SPATA21: variants seen among roughly 807,000 people sequenced by gnomAD.
SPATA21 encodes the protein spermatogenesis-associated protein 21.
In SPATA21, 47 loss-of-function variants were observed where a neutral mutation model predicts 54.8. The ratio of observed to expected loss-of-function variants is 0.86; its 90% CI spans 0.68 to 1.09. The LOEUF is 1.09. SPATA21 is among the 50% of genes least tolerant of loss of function. The pLI is 0.00. For missense variants in SPATA21, 599 were observed against 596.4 expected (o/e 1.00, Z -0.05); for synonymous variants, 245 against 235.3 (o/e 1.04, Z -0.38).
Position 16,409,056 on chromosome 1 carries a change from T to C in SPATA21, c.673+62A>G. On this transcript the variant is annotated intron_variant, in intron 7 of 12. Transcript: ENST00000335496. The surrounding 1 kb of genome is among the most constrained non-coding windows in gnomAD (Gnocchi z 4.1). Reference sequence around the variant, plus strand: ...AGCACCCCAGTCCGCCCTGCGCCTATAAACCCCCAAGGACCAAGGGTCCTG... The same window carrying C: ...AGCACCCCAGTCCGCCCTGCGCCTACAAACCCCCAAGGACCAAGGGTCCTG... 1 of 1,580,152 alleles carries C rather than the reference T, an allele frequency of 6.3e-7. No homozygotes were observed. Among genetic ancestry groups the C allele is most frequent in the Non-Finnish European group, 8.7e-7 (1 of 1,150,352 alleles).
At chr1:16,402,667 C>A (rs992417494) in intron 10 of SPATA21, among the ~76,000 whole-genome samples, 9 of 152,230 alleles carry the variant, frequency 5.9e-5, no homozygotes, top group African/African-American at 1.9e-4. Flanking sequence ...AGCAGCCCTT[C>A]CCCTTGAGCC....
intron 8 of SPATA21, 106 bp downstream of exon 8, chr1:16,404,861 C>A: frequency 7.7e-7 from 1 of 1,292,374 alleles, no homozygotes. Context: ...GAGCATTAAA[C>A]CAAGCACAGG....
At chr1:16,426,308 G>A (rs200295074) in intron 3 of SPATA21, among the ~76,000 whole-genome samples, 7 of 150,870 alleles carry the variant, frequency 4.6e-5, no homozygotes, top group African/African-American at 1.7e-4. Flanking sequence ...ACCCAGGTTC[G>A]AGTGTAGTGG....
At chr1:16,424,391 A>G (rs1332258531) in intron 3 of SPATA21, among the ~76,000 whole-genome samples, 1 of 149,630 alleles carries the variant, frequency 6.7e-6, no homozygotes, top group African/African-American at 2.4e-5. Context: ...TACTCTAACC[A>G]TATCTTTTTA....
intron 10 of SPATA21, among the ~76,000 whole-genome samples, chr1:16,401,741 C>T (rs1475683864): frequency 6.6e-6 from 1 of 152,198 alleles, no homozygotes; most frequent in Non-Finnish European, 1.5e-5. Context: ...CCCTACCCTA[C>T]AGAGTAGCTA....
chr1:16,422,074 C>T (rs1378616440), intron 3 of SPATA21, 103 bp from the exon 4 acceptor site: 1 of 1,596,446 alleles, frequency 6.3e-7, no homozygotes, highest in South Asian at 1.1e-5. Context: ...ATGTGTGGGA[C>T]ACCTGCCTCC....
At chr1:16,399,640 T>A in intron 11 of SPATA21, 119 bp from the exon 12 acceptor site, 1 of 1,105,872 alleles carries the variant, frequency 9.0e-7, no homozygotes, top group Non-Finnish European at 1.3e-6. Flanking sequence ...TTGGGGCAAG[T>A]CACTTAACCT....
rs1291767864 is a variant in SPATA21, at chr1:16,432,096, TTTC to T, written c.-51-677_-51-675del. Among the ~76,000 whole-genome samples, 532 of 148,292 alleles carry T rather than the reference TTTC, an allele frequency of 3.6e-3. 7 individuals are homozygous for T. In the East Asian group the frequency reaches 0.066, roughly 18 times the overall value. On this transcript the variant is annotated intron_variant, in intron 2 of 12. Transcript: ENST00000335496. ...ACACATCCTTTCTTTTTCTTTTTCT[TTTC>T]TTCTTCTTCTTCTTCTTTTTTTTTT...
intron 1 of SPATA21, among the ~76,000 whole-genome samples, chr1:16,435,416 ATGCAATTCTCC>A (rs1022848190): frequency 3.1e-4 from 47 of 151,958 alleles, no homozygotes; most frequent in African/African-American, 1.1e-3. Flanking sequence ...TCCCGTGTCC[ATGCAATTCTCC>A]TGCTTCAGCC....
chr1:16,400,758 A>G lies in SPATA21; in HGVS notation c.1136T>C (p.Val379Ala). The G allele has an allele frequency of 1.2e-6, 2 of 1,613,446 alleles. No individual in the cohort carries two copies. Among genetic ancestry groups the G allele is most frequent in the Non-Finnish European group, 1.7e-6 (2 of 1,179,708 alleles). ...CTTCAGCCGGCTCAGGATACTGAGG[A>G]CCTTTCGTTCTGGAACTTCTGAGCT... ...EESSEVPERKVLSILSRLKQQ... is the reference protein window; with the variant it reads ...EESSEVPERKALSILSRLKQQ... The change falls in exon 11 of 13, where the codon GTC becomes GCC. Residue 379 changes from valine to alanine, a missense_variant. Physicochemically the swap from Val to Ala is moderately conservative, Grantham distance 64. Transcript: ENST00000335496.
Position 16,409,490 on chromosome 1 carries a change from G to A in SPATA21, c.587+111C>T. Reference sequence around the variant, plus strand: ...AGACACATGAGGAGAAATGGAGAGAGGGGGACACACGAGGGAACAGGCAGG... The same window carrying A: ...AGACACATGAGGAGAAATGGAGAGAAGGGGACACACGAGGGAACAGGCAGG... On this transcript the variant is annotated intron_variant, in intron 6 of 12. Coordinates refer to ENST00000335496, the MANE Select transcript of SPATA21 (RefSeq NM_198546.1). This position sits in a 1 kb window ranked among gnomAD's most constrained non-coding sequence, Gnocchi z 4.1. 1.7e-6 allele frequency: 2 copies of A among 1,145,242 alleles called. No homozygotes were observed. The highest frequency in any genetic ancestry group is 2.5e-6 in the Non-Finnish European group (2 of 812,496). The allele number at this position is 1,145,242 out of a possible 1,614,324, so 70.9% of individuals were successfully genotyped here.
chr1:16,409,136 T>G lies in SPATA21; in HGVS notation c.655A>C (p.Thr219Pro). Residue 219 changes from threonine (T) to proline (P), a missense_variant, in exon 7 of 13, where the codon ACC (threonine) becomes CCC (proline). Coordinates refer to ENST00000335496, the MANE Select transcript of SPATA21 (RefSeq NM_198546.1). This position sits in a 1 kb window ranked among gnomAD's most constrained non-coding sequence, Gnocchi z 4.1. ...QNREKSEEQL[T>P]LKQEEAFRSY... is the part of the protein sequence containing the mutation. The stretch of plus-strand genomic sequence containing the variant: ...CCCTCACCTTCCTCTTGCTTCAGGG[T>G]CAGTTGCTCCTCGGACTTCTCCCGG... 6.2e-7 allele frequency: 1 copy of G among 1,614,022 alleles called. No individual in the cohort carries two copies. The highest frequency in any genetic ancestry group is 8.5e-7 in the Non-Finnish European group (1 of 1,179,962).
At chr1:16,420,049 G>A (rs1252561975) in intron 5 of SPATA21, among the ~76,000 whole-genome samples, 2 of 152,116 alleles carry the variant, frequency 1.3e-5, no homozygotes, top group East Asian at 1.9e-4. Context: ...AGAGGGTGGA[G>A]CCCCGAGGGT....
rs149844901 is a variant in SPATA21 at position 16,399,028 on chromosome 1, C to T, written c.1353-206G>A. On this transcript the variant is annotated intron_variant, in intron 12 of 12. Coordinates refer to ENST00000335496, the MANE Select transcript of SPATA21 (RefSeq NM_198546.1). ...CCTGGAGGGGGACTGCTGCAGGAGA[C>T]GTTCCCCTCTGCCCAGGTGCACAGT... is the stretch of plus-strand genomic sequence containing the variant. 1.0e-3 allele frequency among the ~76,000 whole-genome samples: 158 copies of T among 152,296 alleles called. 1 individual carries two copies. The highest frequency in any genetic ancestry group is 3.7e-3 in the African/African-American group (155 of 41,554).
chr1:16,422,752 C>G (rs1187799048), intron 3 of SPATA21, among the ~76,000 whole-genome samples: 2 of 152,122 alleles, frequency 1.3e-5, no homozygotes, highest in African/African-American at 2.4e-5. Context: ...AAGCATTCCT[C>G]CTGCCTCAGC....
At chr1:16,422,385 G>A (rs1267773426) in intron 3 of SPATA21, among the ~76,000 whole-genome samples, 1 of 152,180 alleles carries the variant, frequency 6.6e-6, no homozygotes, top group East Asian at 1.9e-4. Context: ...GAAGGGTGAG[G>A]AAATTGAAGC....
Position 16,410,010 on chromosome 1 carries a change from C to G in SPATA21, c.178G>C (p.Asp60His). The change falls in exon 6 of 13, where the codon GAC becomes CAC. Residue 60 changes from aspartate to histidine, a missense_variant. Transcript: ENST00000335496. ...TTCTGAGGCTGCTGCTGCGCACGGTCTGGCTCCCGCCTCTCTCCAATGTCC... is the reference window on the plus strand; with the variant it reads ...TTCTGAGGCTGCTGCTGCGCACGGTGTGGCTCCCGCCTCTCTCCAATGTCC... ...VRDIGERREP[D>H]RAQQQPQKPA... 6.3e-7 allele frequency: 1 copy of G among 1,578,740 alleles called. No individual in the cohort carries two copies. The highest frequency in any genetic ancestry group is 8.6e-7 in the Non-Finnish European group (1 of 1,164,502).
intron 5 of SPATA21, chr1:16,410,777 C>T (rs2085818673): frequency 5.4e-6 from 2 of 367,262 alleles, no homozygotes; most frequent in Non-Finnish European, 1.1e-5. Flanking sequence ...GAACTCCTGA[C>T]CTCAAGTGAT....
At chr1:16,412,051 G>A (rs1296452554) in intron 5 of SPATA21, among the ~76,000 whole-genome samples, 1 of 152,006 alleles carries the variant, frequency 6.6e-6, no homozygotes, top group Non-Finnish European at 1.5e-5. Context: ...TGTCCTTCTG[G>A]AAATGCTCCC....
Sources: gnomAD v4.1 joint callset for allele counts (sites outside exome capture counted in the v4.1 genomes callset) on GRCh38, gnomAD v4.1.1 for gene constraint, Gnocchi (gnomAD v3.1) non-coding constraint, MANE v1.5 for transcripts, NCBI Gene and HGNC (gene_info 2026-07-23, HGNC 2026-07-21) for gene names.